Variants in TLE2 observed in about 807,000 individuals in gnomAD.
TLE2 encodes the protein transducin-like enhancer protein 2.
TLE2 carries 74 observed loss-of-function variants against 97.2 expected under a neutral mutation model. The observed-to-expected ratio is 0.76, with a 90% CI of 0.63 to 0.92. TLE2 has a LOEUF of 0.92. Ranked by LOEUF, TLE2 falls within the 40% of genes least tolerant of loss-of-function variation. The probability of loss-of-function intolerance (pLI) is 0.00; values close to 1 mark genes in which losing one functional copy is unlikely to be tolerated. For synonymous variants in TLE2, 499 were observed against 432.1 expected (o/e 1.15, Z -1.92); for missense variants, 1,038 against 1,008.7 (o/e 1.03, Z -0.39).
At chr19:2,999,347 G>A (rs959924866) in intron 19 of TLE2, among the ~76,000 whole-genome samples, 8 of 151,976 alleles carry the variant, frequency 5.3e-5, no homozygotes, top group African/African-American at 1.9e-4. Flanking sequence ...CAACCAGGAC[G>A]GGCATATTAA....
chr19:3,045,682 T>A (rs1046811957), intron 1 of TLE2: 1 of 417,786 alleles, frequency 2.4e-6, no homozygotes, highest in Non-Finnish European at 4.9e-6. Flanking sequence ...AAATACAAAA[T>A]TAACCAGGTG....
At chr19:3,034,772 C>T (rs2090050405) in intron 1 of TLE2, among the ~76,000 whole-genome samples, 1 of 152,110 alleles carries the variant, frequency 6.6e-6, no homozygotes, top group African/African-American at 2.4e-5. Context: ...AACACCTCCA[C>T]ATGCTGCAAG....
At chr19:3,043,657 A>G (rs1239163333) in intron 1 of TLE2, among the ~76,000 whole-genome samples, 1 of 151,826 alleles carries the variant, frequency 6.6e-6, no homozygotes, top group Non-Finnish European at 1.5e-5. Flanking sequence ...AAAAAAAAAA[A>G]AAATTAGCCA....
At chr19:2,998,076 GTTTC>G in intron 19 of TLE2, 121 bp from the exon 20 acceptor site, 1 of 665,972 alleles carries the variant, frequency 1.5e-6, no homozygotes, top group Non-Finnish European at 2.7e-6. Context: ...AGAGTGACGT[GTTTC>G]TTTTTTTGAG....
At chr19:3,025,642 C>G in intron 4 of TLE2, 1 of 983,456 alleles carries the variant, frequency 1.0e-6, no homozygotes, top group Non-Finnish European at 1.2e-6. Context: ...CCAGGTGCCC[C>G]AAAGAGGCTG....
intron 11 of TLE2, among the ~76,000 whole-genome samples, chr19:3,012,180 G>GAGGC (rs2089611127): frequency 6.6e-6 from 1 of 152,186 alleles, no homozygotes; most frequent in African/African-American, 2.4e-5. Flanking sequence ...TTGAACCTGG[G>GAGGC]AGGCAGTGGT....
chr19:3,026,739 C>G (rs2089952510), intron 4 of TLE2, among the ~76,000 whole-genome samples: 1 of 149,962 alleles, frequency 6.7e-6, no homozygotes, highest in Non-Finnish European at 1.5e-5. Flanking sequence ...TCAGGAACAC[C>G]TCAGAACCTT....
At chr19:3,047,155 TCCCCTCCCCTC>T (rs1390494871), upstream of TLE2, among the ~76,000 whole-genome samples, 2 of 52,220 alleles carry the variant, frequency 3.8e-5, no homozygotes, top group African/African-American at 8.2e-5. Context: ...CGCTGTTCTC[TCCCCTCCCCTC>T]CCCCTACCCT....
chr19:3,035,062 G>A (rs909312168), intron 1 of TLE2, among the ~76,000 whole-genome samples: 2 of 152,262 alleles, frequency 1.3e-5, no homozygotes, highest in East Asian at 3.9e-4. Flanking sequence ...ACAGATTTGT[G>A]GATTGCCCGA....
In TLE2 at chr19:3,006,428, C is replaced by T. The variant is rs762466377; in HGVS notation, c.1492G>A (p.Asp498Asn). Residue 498 changes from aspartate (D) to asparagine (N), a missense_variant, in exon 15 of 20, where the codon GAC becomes AAC. Transcript: ENST00000262953. ...TCCCACCCCGCCCTCACCAGGCAGT[C>T]GAGCTGGGCCACGGGCGTCTTGGCC... Reference protein sequence around the residue: ...PGAKTPVAQLDCLNRDNYIRS... With the variant: ...PGAKTPVAQLNCLNRDNYIRS... 3.7e-6 allele frequency: 6 copies of T among 1,609,962 alleles called. No homozygotes were observed. Among genetic ancestry groups the T allele is most frequent in the South Asian group, 2.2e-5 (2 of 90,812 alleles).
At position 3,011,173 on chromosome 19, in the gene TLE2, G is replaced by T; in HGVS notation, c.874-13C>A. 6.3e-7 allele frequency: 1 copy of T among 1,575,950 alleles called. No individual in the cohort carries two copies. The highest frequency in any genetic ancestry group is 8.6e-7 in the Non-Finnish European group (1 of 1,160,754). On this transcript the variant is annotated splice_polypyrimidine_tract_variant and intron_variant, in intron 11 of 19. Transcript: ENST00000262953. ...CGGGAAGGTCATTCTGCAGAGAAAG[G>T]GCAGGACTGAAGGCCACCAGGCACC...
rs763682574 is a variant in TLE2, at chr19:2,997,958, G to A, written c.2125-3C>T. ...AGGACTGAGGACGACTCCTTGGACT[G>A]CCAAGGGAAGGGAGAGAGAAAAGGG... On this transcript the variant is annotated splice_polypyrimidine_tract_variant and splice_region_variant and intron_variant, in intron 19 of 19. Transcript: ENST00000262953. 5 of 1,601,036 alleles carry A rather than the reference G, an allele frequency of 3.1e-6. No individual in the cohort carries two copies. The highest frequency in any genetic ancestry group is 3.4e-6 in the Non-Finnish European group (4 of 1,170,394).
chr19:3,011,648 G>T (rs2089600090), intron 11 of TLE2, among the ~76,000 whole-genome samples: 2 of 150,260 alleles, frequency 1.3e-5, no homozygotes, highest in Admixed American at 1.3e-4. Context: ...TCAGGAGTTT[G>T]AGGCCAGCCT....
In TLE2 at chr19:3,005,789, C is replaced by T; in HGVS notation, c.1680G>A (p.Lys560=). ...CATCGCTGCAGCAGGAGAAGCAAAC[C>T]TTGGCGTCGGGGCTGACGGCCAGGG... ...CYALAVSPDA[K]VCFSCCSDGN... is the part of the protein sequence containing the mutation. Residue 560 remains lysine (K), a synonymous_variant, in exon 16 of 20, where the codon AAG becomes AAA. Transcript: ENST00000262953. The T allele has an allele frequency of 6.2e-7, 1 of 1,613,990 alleles. No homozygotes were observed. Among genetic ancestry groups the T allele is most frequent in the Non-Finnish European group, 8.5e-7 (1 of 1,179,864 alleles).
In TLE2 at chr19:3,006,409, C is replaced by A. The variant is rs1370399236; in HGVS notation, c.1500+11G>T. 1 of 1,608,570 alleles carries A rather than the reference C, an allele frequency of 6.2e-7. No homozygotes were observed. Among genetic ancestry groups the A allele is most frequent in the Non-Finnish European group, 8.5e-7 (1 of 1,178,998 alleles). ...CTGTGAGTCCCGCCCACTGTCCCAC[C>A]CCGCCCTCACCAGGCAGTCGAGCTG... On this transcript the variant is annotated intron_variant, in intron 15 of 19. Coordinates refer to ENST00000262953, the MANE Select transcript of TLE2 (RefSeq NM_003260.5).
At chr19:3,033,896 C>A (rs1455601644), upstream of TLE2, among the ~76,000 whole-genome samples, 1 of 151,944 alleles carries the variant, frequency 6.6e-6, no homozygotes, top group African/African-American at 2.4e-5. Context: ...CCTTCCTTAG[C>A]CCGGTCACTT....
intron 11 of TLE2, 55 bp downstream of exon 11, chr19:3,013,614 T>C: frequency 7.5e-7 from 1 of 1,325,212 alleles, no homozygotes; most frequent in Non-Finnish European, 9.7e-7. Context: ...TAGCGTCTGC[T>C]TCGGGGCCCC....
chr19:3,028,222 C>T (rs1377450376), intron 3 of TLE2, 97 bp downstream of exon 3: 12 of 1,267,214 alleles, frequency 9.5e-6, no homozygotes, highest in South Asian at 1.3e-5. Flanking sequence ...ACGGGGAAGA[C>T]GAGGTTCGGA....
chr19:3,000,763 T>A (rs1471753463), intron 18 of TLE2, 40 bp from the exon 19 acceptor site: 1 of 1,519,904 alleles, frequency 6.6e-7, no homozygotes, highest in Admixed American at 1.9e-5. Context: ...GAGGGGGCAC[T>A]AACGAGAGAC....
Sources: allele counts gnomAD v4.1 joint callset (sites outside exome capture counted in the v4.1 genomes callset), GRCh38; gene constraint gnomAD v4.1.1; transcripts MANE v1.5; gene names NCBI Gene and HGNC (gene_info 2026-07-23, HGNC 2026-07-21).